The following UGT3A2 variants were observed in gnomAD, a reference collection of about 807,000 sequenced individuals.
UGT3A2 encodes UDP glycosyltransferase family 3 member A2, also known as UDP-glycosyltransferase 3A2.
Under a neutral mutation model 39.8 loss-of-function variants are expected in UGT3A2, and 32 were observed. The ratio of observed to expected loss-of-function variants is 0.80; its 90% confidence interval spans 0.61 to 1.08. The LOEUF is 1.08. Among genes scored for constraint, UGT3A2 ranks in the 50% least tolerant of loss-of-function variants. UGT3A2 has a pLI of 0.00. For missense variants in UGT3A2, 611 were observed against 637.1 expected (o/e 0.96, Z 0.44); for synonymous variants, 241 against 230.7 (o/e 1.04, Z -0.40).
In UGT3A2 at chr5:36,035,367, T is replaced by G; in HGVS notation, c.*331A>C. Reference sequence around the variant, plus strand: ...TCAGGGTGTGATTCGGAGAGGCGCATGAGAAGGAAGGTGGATTTTAAGGCT... The same window carrying G: ...TCAGGGTGTGATTCGGAGAGGCGCAGGAGAAGGAAGGTGGATTTTAAGGCT... On this transcript the variant is annotated 3_prime_UTR_variant, in exon 7 of 7. Transcript: ENST00000282507. 9.7e-6 allele frequency: 3 copies of G among 310,378 alleles called. No homozygotes were observed. The highest frequency in any genetic ancestry group is 2.1e-5 in the African/African-American group (1 of 47,322). 19.2% of individuals were successfully genotyped at this position (310,378 alleles called of 1,614,324 possible).
chr5:36,057,231 G>A (rs1015424532), intron 2 of UGT3A2, among the ~76,000 whole-genome samples: 1 of 152,084 alleles, frequency 6.6e-6, no homozygotes, highest in Admixed American at 6.6e-5. Context: ...GTTAATAATT[G>A]GCTCAAATGT....
chr5:36,051,267 T>C (rs932840271), intron 3 of UGT3A2, among the ~76,000 whole-genome samples: 1 of 152,190 alleles, frequency 6.6e-6, no homozygotes, highest in African/African-American at 2.4e-5. Context: ...ATGTCTAAGA[T>C]TAAAAAGTTA....
Position 36,066,740 on chromosome 5 carries a change from A to G in UGT3A2, c.50T>C (p.Val17Ala). The G allele has an allele frequency of 6.2e-7, 1 of 1,614,052 alleles. No homozygotes were observed. Among genetic ancestry groups the G allele is most frequent in the Non-Finnish European group, 8.5e-7 (1 of 1,180,010 alleles). Residue 17 changes from valine (V) to alanine (A), a missense_variant, in exon 1 of 7, where the codon GTC becomes GCC. By Grantham distance (64) the Val-to-Ala change is moderately conservative. Coordinates refer to ENST00000282507, the MANE Select transcript of UGT3A2 (RefSeq NM_174914.4). ...GATTTTGGCAGCCTCTGAGAGCAGG[A>G]CCCCAGGGAGAAGGAAGCCCACTAG... ...LLLVGFLLPG[V>A]LLSEAAKILT...
rs1159400446 is a variant in UGT3A2, at chr5:36,039,606, T to C, written c.946A>G (p.Met316Val). 1 of 1,614,176 alleles carries C rather than the reference T, an allele frequency of 6.2e-7. No homozygotes were observed. The highest frequency in any genetic ancestry group is 2.2e-5 in the East Asian group (1 of 44,870). The change falls in exon 5 of 7, where the codon ATG becomes GTG. Residue 316 changes from methionine (M) to valine (V), a missense_variant. Transcript: ENST00000282507. ...TCQNPEIFKE[M>V]NNAFAHLPQG... is the part of the protein sequence containing the mutation. ...GGTAGGTGAGCAAAGGCATTGTTCA[T>C]CTCCTTGAAGATTTCCGGATTCTGA... is the stretch of plus-strand genomic sequence containing the variant.
chr5:36,047,561 A>G (rs1471013711), intron 4 of UGT3A2, among the ~76,000 whole-genome samples: 2 of 152,208 alleles, frequency 1.3e-5, no homozygotes, highest in Non-Finnish European at 2.9e-5. Context: ...TACCATTCCC[A>G]AGGACTTCTT....
chr5:36,049,077 A>G lies in UGT3A2; in HGVS notation c.655T>C (p.Ser219Pro), dbSNP rs1359812373. The change falls in exon 4 of 7, where the codon TCT becomes CCT. Residue 219 changes from serine (S) to proline (P), a missense_variant. Coordinates refer to ENST00000282507, the MANE Select transcript of UGT3A2 (RefSeq NM_174914.4). ...TCCTTGATGGTGTTGTCAAATGTAG[A>G]CTGCATGTGCTGTTGCCTCCTGCAG... is the stretch of plus-strand genomic sequence containing the variant. ...SFCRRQQHMQSTFDNTIKEHF... is the reference protein window; with the variant it reads ...SFCRRQQHMQPTFDNTIKEHF... The G allele has an allele frequency of 6.2e-7, 1 of 1,614,192 alleles. No homozygotes were observed. The highest frequency in any genetic ancestry group is 1.7e-5 in the Admixed American group (1 of 60,010).
chr5:36,049,245 C>A lies in UGT3A2; in HGVS notation c.487G>T (p.Val163Leu), dbSNP rs1561493132. Residue 163 changes from valine (V) to leucine (L), a missense_variant, in exon 4 of 7, where the codon GTG becomes TTG. Val to Leu is a conservative substitution (Grantham distance 32). Transcript: ENST00000282507. Reference sequence around the variant, plus strand: ...CCGAATGAAGTGGAAAGAATGGCCACAAATGGCTTCCCAAGCTTCTCAGCA... The same window carrying A: ...CCGAATGAAGTGGAAAGAATGGCCAAAAATGGCTTCCCAAGCTTCTCAGCA... The part of the protein sequence containing the change: ...LIAEKLGKPF[V>L]AILSTSFGSL... The A allele has an allele frequency of 1.9e-6, 3 of 1,614,080 alleles. No homozygotes were observed. Among genetic ancestry groups the A allele is most frequent in the Non-Finnish European group, 2.5e-6 (3 of 1,179,966 alleles).
chr5:36,055,474 C>T (rs948542137), intron 2 of UGT3A2, among the ~76,000 whole-genome samples: 3 of 152,066 alleles, frequency 2.0e-5, no homozygotes, highest in African/African-American at 4.8e-5. Flanking sequence ...TCAGGTGATC[C>T]GCCTGCATCA....
In UGT3A2 at chr5:36,066,870, C is replaced by A. The variant is rs1372105741; in HGVS notation, c.-81G>T. 2 of 1,522,586 alleles carry A rather than the reference C, an allele frequency of 1.3e-6. No individual in the cohort carries two copies. The highest frequency in any genetic ancestry group is 1.7e-5 in the Admixed American group (1 of 59,568). 94.3% of individuals were successfully genotyped at this position (1,522,586 alleles called of 1,614,324 possible). A position where few individuals can be genotyped will look rare whatever the true frequency, so the allele number is the denominator to read the frequency against. ...CTAAGGGACCCTGTGCACCTCAGTG[C>A]GCCAAAGGCACTGGCTGTGGGTAGA... On this transcript the variant is annotated 5_prime_UTR_variant, in exon 1 of 7. Transcript: ENST00000282507.
intron 2 of UGT3A2, among the ~76,000 whole-genome samples, chr5:36,060,319 A>G (rs1287025793): frequency 6.6e-6 from 1 of 152,258 alleles, no homozygotes; most frequent in Non-Finnish European, 1.5e-5. Context: ...ACTGGAGGCT[A>G]TATGAGTAAA....
In UGT3A2 at chr5:36,035,874, C is replaced by G. The variant is rs773564202; in HGVS notation, c.1396G>C (p.Gly466Arg). 1 of 1,614,158 alleles carries G rather than the reference C, an allele frequency of 6.2e-7. No individual in the cohort carries two copies. The highest frequency in any genetic ancestry group is 8.5e-7 in the Non-Finnish European group (1 of 1,180,008). ...VGWIDHVLQT[G>R]GATHLKPYVF... ...TAGGGCTTGAGGTGCGTCGCGCCCC[C>G]TGTCTGGAGGACGTGGTCAATCCAG... The change falls in exon 7 of 7, where the codon GGG becomes CGG. Residue 466 changes from glycine to arginine, a missense_variant. Coordinates refer to ENST00000282507, the MANE Select transcript of UGT3A2 (RefSeq NM_174914.4).
chr5:36,036,087 C>G, intron 6 of UGT3A2, 113 bp from the exon 7 acceptor site: 1 of 1,340,274 alleles, frequency 7.5e-7, no homozygotes, highest in Non-Finnish European at 1.0e-6. Flanking sequence ...ATTCTGTTGG[C>G]TTTGCAGTAA....
In UGT3A2 at chr5:36,066,858, T is replaced by TGC; in HGVS notation, c.-71_-70dup. The TGC allele has an allele frequency of 6.4e-7, 1 of 1,573,992 alleles. No individual in the cohort carries two copies. The highest frequency in any genetic ancestry group is 1.1e-5 in the South Asian group (1 of 90,132). On this transcript the variant is annotated 5_prime_UTR_variant, in exon 1 of 7. Coordinates refer to ENST00000282507, the MANE Select transcript of UGT3A2 (RefSeq NM_174914.4). ...CCCTGCGCCCGGCTAAGGGACCCTG[T>TGC]GCACCTCAGTGCGCCAAAGGCACTG...
chr5:36,039,853 G>A (rs976751404), intron 4 of UGT3A2, 145 bp from the exon 5 acceptor site: 10 of 653,028 alleles, frequency 1.5e-5, no homozygotes, highest in Admixed American at 2.7e-5. Context: ...AGTATAGCTC[G>A]ATACTAGCTG....
At chr5:36,052,120 T>G (rs572541215) in intron 2 of UGT3A2, 136 bp from the exon 3 acceptor site, 2 of 615,938 alleles carry the variant, frequency 3.2e-6, no homozygotes, top group Non-Finnish European at 5.5e-6. Context: ...TTTTAATGTA[T>G]GCGTTTATTT....
At chr5:36,064,216 G>T in intron 2 of UGT3A2, 33 bp downstream of exon 2, 1 of 1,590,394 alleles carries the variant, frequency 6.3e-7, no homozygotes, top group Non-Finnish European at 8.6e-7. Flanking sequence ...TTTGCTTGGA[G>T]TAGGAGAAAT....
intron 2 of UGT3A2, among the ~76,000 whole-genome samples, chr5:36,054,265 T>C (rs2111746331): frequency 6.6e-6 from 1 of 152,262 alleles, no homozygotes; most frequent in Non-Finnish European, 1.5e-5. Flanking sequence ...TCCTTTTGCC[T>C]TTCGAACATG....
At chr5:36,054,553 A>G (rs976239101) in intron 2 of UGT3A2, among the ~76,000 whole-genome samples, 3 of 152,200 alleles carry the variant, frequency 2.0e-5, no homozygotes, top group African/African-American at 7.2e-5. Flanking sequence ...TCTGGGTGTA[A>G]TCCATTCAGT....
intron 2 of UGT3A2, among the ~76,000 whole-genome samples, chr5:36,060,057 GCAGA>G (rs1742639538): frequency 1.3e-5 from 2 of 152,304 alleles, no homozygotes; most frequent in South Asian, 4.1e-4. Context: ...CCCATGACAT[GCAGA>G]CAGATCAAGA....
Sources: gnomAD v4.1 joint callset for allele counts (sites outside exome capture counted in the v4.1 genomes callset) on GRCh38, gnomAD v4.1.1 for gene constraint, MANE v1.5 for transcripts, NCBI Gene and HGNC (gene_info 2026-07-23, HGNC 2026-07-21) for gene names.